Variants in ZC3H12D observed in about 807,000 individuals in gnomAD.
ZC3H12D encodes zinc finger CCCH-type containing 12D, also known as probable ribonuclease ZC3H12D.
A neutral mutation model predicts 24.2 loss-of-function variants in ZC3H12D; 11 were observed. That is an observed-to-expected ratio of 0.46 (90% CI 0.29 to 0.75). The LOEUF is 0.75. Ranked by LOEUF, ZC3H12D falls within the 30% of genes least tolerant of loss-of-function variation. The pLI, the probability that ZC3H12D is intolerant of heterozygous loss-of-function variation, is 0.11. For synonymous variants in ZC3H12D, 333 were observed against 341.8 expected (o/e 0.97, Z 0.28); for missense variants, 740 against 767.7 (o/e 0.96, Z 0.43).
At chr6:149,482,331 T>C (rs1032638989) in intron 1 of ZC3H12D, among the ~76,000 whole-genome samples, 4 of 152,262 alleles carry the variant, frequency 2.6e-5, no homozygotes, top group African/African-American at 9.6e-5. Flanking sequence ...GAGCTGCAGC[T>C]CTGCCAGCCG....
chr6:149,474,168 G>T (rs1776292281), intron 2 of ZC3H12D, 71 bp downstream of exon 2: 2 of 1,335,984 alleles, frequency 1.5e-6, no homozygotes, highest in East Asian at 2.5e-5. Context: ...CCACAAGGAA[G>T]AGGGACAGTT....
Position 149,456,622 on chromosome 6 carries a change from C to CCCCCCCCCCCCCCCCCCGGGGGAG in ZC3H12D, c.680+43_680+44insCTCCCCCGGGGGGGGGGGGGGGGG. ...GGCCACTGCCTCGACCCCGGCCCCC[C>CCCCCCCCCCCCCCCCCCGGGGGAG]GCCCCGCCGCCCCCCAGGGTGTCAG... On this transcript the variant is annotated intron_variant, in intron 4 of 5. Coordinates refer to ENST00000409806, the MANE Select transcript of ZC3H12D (RefSeq NM_207360.3). The surrounding 1 kb of genome is among the most constrained non-coding windows in gnomAD (Gnocchi z 4.3). 7.6e-7 allele frequency: 1 copy of CCCCCCCCCCCCCCCCCCGGGGGAG among 1,314,358 alleles called. No individual in the cohort carries two copies. 81.4% of individuals were successfully genotyped at this position (1,314,358 alleles called of 1,614,324 possible).
intron 1 of ZC3H12D, 91 bp from the exon 2 acceptor site, chr6:149,474,704 G>A: frequency 1.7e-6 from 1 of 573,558 alleles, no homozygotes; most frequent in Non-Finnish European, 2.7e-6. Flanking sequence ...TCCCGGCCTA[G>A]CTGTCAGGAA....
In ZC3H12D at chr6:149,449,438, T is replaced by C. The variant is rs1186294382; in HGVS notation, c.*1245A>G. On this transcript the variant is annotated 3_prime_UTR_variant, in exon 6 of 6. Transcript: ENST00000409806. ...CAGACAGAGTGACAGAGTGAGACTCTGTCTTTTTTTTTTTTTTAAGACGGA... is the reference window on the plus strand; with the variant it reads ...CAGACAGAGTGACAGAGTGAGACTCCGTCTTTTTTTTTTTTTTAAGACGGA... 3.3e-5 allele frequency: 5 copies of C among 149,980 alleles called. No individual in the cohort carries two copies. Among genetic ancestry groups the C allele is most frequent in the Admixed American group, 2.0e-4 (3 of 15,216 alleles). 9.3% of individuals were successfully genotyped at this position (149,980 alleles called of 1,614,324 possible).
At chr6:149,453,372 T>C (rs996297369) in intron 4 of ZC3H12D, among the ~76,000 whole-genome samples, 26 of 151,532 alleles carry the variant, frequency 1.7e-4, no homozygotes, top group Admixed American at 7.2e-4. Flanking sequence ...TGTTCAGGAA[T>C]CTGCACAACT....
intron 3 of ZC3H12D, among the ~76,000 whole-genome samples, chr6:149,459,977 T>G (rs1366406525): frequency 6.6e-6 from 1 of 152,222 alleles, no homozygotes; most frequent in Admixed American, 6.5e-5. Context: ...AGTGGTCCCA[T>G]AAGACTATAA....
At chr6:149,481,513 C>T (rs1776424914) in intron 1 of ZC3H12D, among the ~76,000 whole-genome samples, 1 of 151,556 alleles carries the variant, frequency 6.6e-6, no homozygotes, top group Non-Finnish European at 1.5e-5. Context: ...GTAGCTGGGA[C>T]TACAGGCACA....
intron 2 of ZC3H12D, among the ~76,000 whole-genome samples, chr6:149,465,860 A>C (rs392932): frequency 6.6e-6 from 1 of 151,322 alleles, no homozygotes; most frequent in Non-Finnish European, 1.5e-5. Flanking sequence ...TCCTCACCCC[A>C]CCCCCCAATT....
rs1402458290 is a variant in ZC3H12D at position 149,456,680 on chromosome 6, G to A, written c.666C>T (p.Ser222=). ...GCCGGACCTACCGGTCGTTGACGAA[G>A]GAGAACATGAGCAGCCTCTGCTCGA... ...WFIEQRLLMF[S]FVNDRFMPPD... Residue 222 remains serine, a synonymous_variant, in exon 4 of 6, where the codon TCC becomes TCT. Transcript: ENST00000409806. This position sits in a 1 kb window ranked among gnomAD's most constrained non-coding sequence, Gnocchi z 4.3. 6.2e-7 allele frequency: 1 copy of A among 1,604,950 alleles called. No individual in the cohort carries two copies. The highest frequency in any genetic ancestry group is 1.1e-5 in the South Asian group (1 of 90,974).
Position 149,449,543 on chromosome 6 carries a change from T to C in ZC3H12D, c.*1140A>G. The C allele has an allele frequency of 6.6e-6, 1 of 152,194 alleles. No individual in the cohort carries two copies. Among genetic ancestry groups the C allele is most frequent in the Non-Finnish European group, 1.5e-5 (1 of 68,142 alleles). The allele number at this position is 152,194 out of a possible 1,614,324, so 9.4% of individuals were successfully genotyped here. A position where few individuals can be genotyped will look rare whatever the true frequency, so the allele number is the denominator to read the frequency against. On this transcript the variant is annotated 3_prime_UTR_variant, in exon 6 of 6. Transcript: ENST00000409806. ...ACCTCCGCCTCCCAGGTTCAAGTGA[T>C]TCTCCTGCCTCAGCCTCCTGAGTAG...
At chr6:149,467,593 C>T (rs1776182269) in intron 2 of ZC3H12D, among the ~76,000 whole-genome samples, 1 of 152,128 alleles carries the variant, frequency 6.6e-6, no homozygotes, top group African/African-American at 2.4e-5. Flanking sequence ...GTTCTGTCTG[C>T]CAGGGCACTT....
Position 149,456,622 on chromosome 6 carries a change from C to CCCCCCCCCCCCCCCCCCGGGGGGCAG in ZC3H12D, c.680+43_680+44insCTGCCCCCCGGGGGGGGGGGGGGGGG. On this transcript the variant is annotated intron_variant, in intron 4 of 5. Coordinates refer to ENST00000409806, the MANE Select transcript of ZC3H12D (RefSeq NM_207360.3). The surrounding 1 kb of genome is among the most constrained non-coding windows in gnomAD (Gnocchi z 4.3). ...GGCCACTGCCTCGACCCCGGCCCCCCGCCCCGCCGCCCCCCAGGGTGTCAG... is the reference window on the plus strand; with the variant it reads ...GGCCACTGCCTCGACCCCGGCCCCCCCCCCCCCCCCCCCCCCCGGGGGGCAGGCCCCGCCGCCCCCCAGGGTGTCAG... The CCCCCCCCCCCCCCCCCCGGGGGGCAG allele has an allele frequency of 7.6e-7, 1 of 1,314,360 alleles. No homozygotes were observed. The highest frequency in any genetic ancestry group is 1.1e-6 in the Non-Finnish European group (1 of 921,308). 81.4% of individuals were successfully genotyped at this position (1,314,360 alleles called of 1,614,324 possible). A position where few individuals can be genotyped will look rare whatever the true frequency, so the allele number is the denominator to read the frequency against.
intron 2 of ZC3H12D, among the ~76,000 whole-genome samples, chr6:149,470,253 G>A (rs965994796): frequency 6.6e-6 from 1 of 152,024 alleles, no homozygotes. Flanking sequence ...CCAGCTACTC[G>A]GGAGGCTGAG....
intron 2 of ZC3H12D, among the ~76,000 whole-genome samples, chr6:149,463,310 G>A (rs867502295): frequency 3.3e-5 from 5 of 152,350 alleles, no homozygotes; most frequent in African/African-American, 1.2e-4. Context: ...GCAGGGCCTT[G>A]CAGACATTAT....
At chr6:149,474,997 T>C (rs1776312782) in intron 1 of ZC3H12D, among the ~76,000 whole-genome samples, 1 of 151,642 alleles carries the variant, frequency 6.6e-6, no homozygotes, top group Admixed American at 6.6e-5. Context: ...TACCTCAGAG[T>C]GTGACTATAT....
At chr6:149,455,346 C>G (rs147931560) in intron 4 of ZC3H12D, among the ~76,000 whole-genome samples, 7 of 152,106 alleles carry the variant, frequency 4.6e-5, no homozygotes, top group Admixed American at 3.9e-4. Context: ...CTGGAGACAC[C>G]GCACGTAAGA....
At chr6:149,451,517 C>G in intron 5 of ZC3H12D, 38 bp from the exon 6 acceptor site, 1 of 1,512,864 alleles carries the variant, frequency 6.6e-7, no homozygotes, top group Non-Finnish European at 8.8e-7. Context: ...CGACGTGAGG[C>G]CCGGGGGCGC....
intron 2 of ZC3H12D, among the ~76,000 whole-genome samples, chr6:149,473,684 C>T (rs1776284246): frequency 6.6e-6 from 1 of 152,210 alleles, no homozygotes. Flanking sequence ...ACCGCCTCCC[C>T]AGCAACCCCA....
intron 2 of ZC3H12D, among the ~76,000 whole-genome samples, chr6:149,470,370 C>CA (rs538347696): frequency 4.6e-5 from 7 of 151,670 alleles, no homozygotes; most frequent in Non-Finnish European, 8.8e-5. Context: ...AACAAACAAA[C>CA]AAAAAACTAC....
Sources: gnomAD v4.1 joint callset for allele counts (sites outside exome capture counted in the v4.1 genomes callset) on GRCh38, gnomAD v4.1.1 for gene constraint, Gnocchi (gnomAD v3.1) non-coding constraint, MANE v1.5 for transcripts, NCBI Gene and HGNC (gene_info 2026-07-23, HGNC 2026-07-21) for gene names.